Variants in HS6ST3 observed in about 807,000 individuals in gnomAD.
The protein encoded by HS6ST3 is heparan-sulfate 6-O-sulfotransferase 3.
Under a neutral mutation model 36.7 loss-of-function variants are expected in HS6ST3, and 12 were observed. The ratio of observed to expected loss-of-function variants is 0.33; its 90% CI spans 0.21 to 0.53. HS6ST3 has a LOEUF of 0.53. Among genes scored for constraint, HS6ST3 ranks in the 20% least tolerant of loss-of-function variants. The pLI is 0.95. For missense variants in HS6ST3, 584 were observed against 640.9 expected, an observed-to-expected ratio of 0.91 and a Z score of 0.96; for synonymous variants, 240 against 257.5, an observed-to-expected ratio of 0.93 and a Z score of 0.65.
rs140149505 is a variant in HS6ST3 at position 96,828,256 on chromosome 13, C to T, written c.708-4234C>T. ...GAAGTTTCTTTAGCACATTTCAAAA[C>T]TGCCTGGCTTACCTAGTGGTAAGGC... On this transcript the variant is annotated intron_variant, in intron 1 of 1. Transcript: ENST00000376705. Among the ~76,000 whole-genome samples, 77 of 152,304 alleles carry T rather than the reference C, an allele frequency of 5.1e-4. No individual in the cohort carries two copies. The East Asian group carries it at 0.014, about 27-fold the overall frequency.
At chr13:96,824,608 G>A (rs1412740143) in intron 1 of HS6ST3, among the ~76,000 whole-genome samples, 1 of 152,148 alleles carries the variant, frequency 6.6e-6, no homozygotes, top group African/African-American at 2.4e-5. Context: ...AGCTCATGAT[G>A]AGTGTGCAGC....
At chr13:96,816,016 A>G (rs1361306473) in intron 1 of HS6ST3, among the ~76,000 whole-genome samples, 1 of 152,142 alleles carries the variant, frequency 6.6e-6, no homozygotes, top group East Asian at 1.9e-4. Flanking sequence ...CCTTGTCTGT[A>G]CATACTAGCC....
chr13:96,214,452 T>C (rs1331245841), intron 1 of HS6ST3, among the ~76,000 whole-genome samples: 1 of 152,198 alleles, frequency 6.6e-6, no homozygotes, highest in Non-Finnish European at 1.5e-5. Flanking sequence ...ATTCATCTCA[T>C]TATAATTTTT....
At chr13:96,652,049 A>G (rs1263550683) in intron 1 of HS6ST3, among the ~76,000 whole-genome samples, 1 of 152,100 alleles carries the variant, frequency 6.6e-6, no homozygotes, top group African/African-American at 2.4e-5. Flanking sequence ...ATGTGTATAT[A>G]CATATACTTG....
intron 1 of HS6ST3, among the ~76,000 whole-genome samples, chr13:96,300,794 T>C (rs2054878226): frequency 6.6e-6 from 1 of 152,172 alleles, no homozygotes; most frequent in Admixed American, 6.6e-5. Context: ...TTGATAAAAA[T>C]GTATAGTTTA....
chr13:96,506,506 T>G (rs918044836), intron 1 of HS6ST3, among the ~76,000 whole-genome samples: 18 of 152,176 alleles, frequency 1.2e-4, no homozygotes, highest in African/African-American at 4.3e-4. Context: ...AATTCATCTC[T>G]TAAATAGGAT....
intron 1 of HS6ST3, among the ~76,000 whole-genome samples, chr13:96,387,397 C>G (rs1263529100): frequency 1.3e-5 from 2 of 152,116 alleles, no homozygotes; most frequent in Admixed American, 1.3e-4. Flanking sequence ...AACCCTTTCT[C>G]TATATACTGG....
intron 1 of HS6ST3, among the ~76,000 whole-genome samples, chr13:96,830,567 A>G (rs1315860752): frequency 6.6e-6 from 1 of 152,198 alleles, no homozygotes; most frequent in East Asian, 1.9e-4. Context: ...ACTGAGTTGA[A>G]TCAAGAAAAA....
intron 1 of HS6ST3, among the ~76,000 whole-genome samples, chr13:96,222,979 A>G (rs1053552902): frequency 5.9e-5 from 9 of 151,812 alleles, no homozygotes; most frequent in African/African-American, 2.2e-4. Flanking sequence ...GCATTGTTAT[A>G]TCATGGAACT....
rs575005363 is a variant in HS6ST3 at position 96,192,514 on chromosome 13, T to C, written c.707+100945T>C. On this transcript the variant is annotated intron_variant, in intron 1 of 1. Coordinates refer to ENST00000376705, the MANE Select transcript of HS6ST3 (RefSeq NM_153456.4). Reference sequence around the variant, plus strand: ...TTTGTGTCCATGTGTACCCATTGTTTAGCTCCCCCTTTTAAGTGAGAACTT... The same window carrying C: ...TTTGTGTCCATGTGTACCCATTGTTCAGCTCCCCCTTTTAAGTGAGAACTT... 2.0e-5 allele frequency among the ~76,000 whole-genome samples: 3 copies of C among 152,240 alleles called. No homozygotes were observed. The South Asian group carries it at 6.2e-4, about 32-fold the overall frequency.
chr13:96,457,453 A>T (rs937289146), intron 1 of HS6ST3, among the ~76,000 whole-genome samples: 1 of 152,164 alleles, frequency 6.6e-6, no homozygotes, highest in Admixed American at 6.6e-5. Flanking sequence ...GTGATGCACA[A>T]AGTGAACACA....
chr13:96,234,618 TA>T (rs557782641), intron 1 of HS6ST3, among the ~76,000 whole-genome samples: 45 of 152,196 alleles, frequency 3.0e-4, no homozygotes, highest in Admixed American at 2.4e-3. Flanking sequence ...AACTCCCCTT[TA>T]TAAAACCATC....
intron 1 of HS6ST3, among the ~76,000 whole-genome samples, chr13:96,508,420 T>C (rs1485334556): frequency 6.6e-6 from 1 of 152,106 alleles, no homozygotes; most frequent in Non-Finnish European, 1.5e-5. Context: ...TGGTTTTTTG[T>C]TACACAGATG....
At chr13:96,574,422 G>A in intron 1 of HS6ST3, 1 of 511,594 alleles carries the variant, frequency 2.0e-6, no homozygotes, top group South Asian at 1.9e-5. Context: ...GTGACAATCA[G>A]TTTTGCAGAG....
intron 1 of HS6ST3, among the ~76,000 whole-genome samples, chr13:96,493,487 A>G (rs1181646642): frequency 6.6e-6 from 1 of 152,202 alleles, no homozygotes; most frequent in Admixed American, 6.5e-5. Context: ...TTTTACAGCC[A>G]TTCTGTCTGC....
At chr13:96,729,723 C>T (rs1876097684) in intron 1 of HS6ST3, among the ~76,000 whole-genome samples, 1 of 152,066 alleles carries the variant, frequency 6.6e-6, no homozygotes, top group South Asian at 2.1e-4. Context: ...ACTTTGGCTT[C>T]CCAAAGTACT....
chr13:96,112,578 AATATATATATATATATATAT>A (rs59107741), intron 1 of HS6ST3, among the ~76,000 whole-genome samples: 1,016 of 81,238 alleles, frequency 0.013, 148 homozygotes, highest in South Asian at 0.023. Context: ...AAAATAAATA[AATATATATATATATATATAT>A]ATATATATAT....
intron 1 of HS6ST3, among the ~76,000 whole-genome samples, chr13:96,295,678 C>G (rs756711802): frequency 6.6e-6 from 1 of 152,060 alleles, no homozygotes; most frequent in Non-Finnish European, 1.5e-5. Flanking sequence ...CTTTATTGAA[C>G]ACTGTGTTTA....
intron 1 of HS6ST3, among the ~76,000 whole-genome samples, chr13:96,334,803 A>G (rs1230324457): frequency 6.6e-6 from 1 of 152,218 alleles, no homozygotes; most frequent in Non-Finnish European, 1.5e-5. Context: ...GCTACAATTC[A>G]AGATGAGACT....
Sources: gnomAD v4.1 joint callset for allele counts (sites outside exome capture counted in the v4.1 genomes callset) on GRCh38, gnomAD v4.1.1 for gene constraint, MANE v1.5 for transcripts, NCBI Gene and HGNC (gene_info 2026-07-23, HGNC 2026-07-21) for gene names.